PLAC8: variants seen among roughly 807,000 people sequenced by gnomAD.
PLAC8 encodes the protein placenta associated 8.
A neutral mutation model predicts 12.6 loss-of-function variants in PLAC8; 6 were observed. That is an observed-to-expected ratio of 0.48 (90% CI 0.26 to 0.94). PLAC8 has a LOEUF of 0.94. Ranked by LOEUF, PLAC8 falls within the 40% of genes least tolerant of loss-of-function variation. PLAC8 has a pLI of 0.14. For missense variants in PLAC8, 122 were observed against 152.7 expected, an observed-to-expected ratio of 0.80 and a Z score of 1.06; for synonymous variants, 54 against 52.6, an observed-to-expected ratio of 1.03 and a Z score of -0.11.
In PLAC8 at chr4:83,107,960, C is replaced by T; in HGVS notation, c.-29-10G>A. On this transcript the variant is annotated splice_polypyrimidine_tract_variant and intron_variant, in intron 1 of 4. Transcript: ENST00000311507. ...CCTTAAAAGCAGTGGACTGAAAAGG[C>T]AGAGTGGTGTTAGAAATCTCTGTTG... The T allele has an allele frequency of 1.4e-6, 1 of 695,386 alleles. No homozygotes were observed. The highest frequency in any genetic ancestry group is 2.0e-6 in the Non-Finnish European group (1 of 498,032). The allele number at this position is 695,386 out of a possible 1,614,324, so 43.1% of individuals were successfully genotyped here. A position where few individuals can be genotyped will look rare whatever the true frequency, so the allele number is the denominator to read the frequency against.
At chr4:83,093,193 T>TG (rs1731848476) in intron 4 of PLAC8, 1 of 152,342 alleles carries the variant, frequency 6.6e-6, no homozygotes. Context: ...CTGTGTGCCC[T>TG]GGGAAGCGAC....
chr4:83,105,185 C>T (rs144677712), intron 2 of PLAC8, among the ~76,000 whole-genome samples, 165 bp from the exon 3 acceptor site: 16 of 152,336 alleles, frequency 1.1e-4, no homozygotes, highest in Non-Finnish European at 1.8e-4. Context: ...ATCAATTTCT[C>T]GCTCCACCCG....
intron 3 of PLAC8, among the ~76,000 whole-genome samples, chr4:83,096,090 T>G (rs1485696801): frequency 6.6e-6 from 1 of 152,194 alleles, no homozygotes; most frequent in Admixed American, 6.5e-5. Context: ...AAAGGCAATC[T>G]ATTCCCCAGG....
chr4:83,094,278 A>T lies in PLAC8; in HGVS notation c.*9+400T>A, dbSNP rs551686525. 9 of 149,012 alleles carry T rather than the reference A, an allele frequency of 6.0e-5. No homozygotes were observed. The South Asian group carries it at 1.5e-3, about 25-fold the overall frequency. The allele number at this position is 149,012 out of a possible 1,614,324, so 9.2% of individuals were successfully genotyped here. On this transcript the variant is annotated intron_variant, in intron 4 of 4. Coordinates refer to ENST00000311507, the MANE Select transcript of PLAC8 (RefSeq NM_016619.3). ...TTATGCCACAATCAATCCAAATATC[A>T]TACAGAATGTTATTTTCTTTACTCT... is the stretch of plus-strand genomic sequence containing the variant.
intron 4 of PLAC8, among the ~76,000 whole-genome samples, chr4:83,091,704 C>T (rs905856312): frequency 6.6e-6 from 1 of 152,148 alleles, no homozygotes; most frequent in Non-Finnish European, 1.5e-5. Context: ...ATGCCGCTCT[C>T]CTTGAGGAAG....
chr4:83,094,712 C>T lies in PLAC8; in HGVS notation c.323G>A (p.Arg108Lys). 2 of 1,604,624 alleles carry T rather than the reference C, an allele frequency of 1.2e-6. No homozygotes were observed. Among genetic ancestry groups the T allele is most frequent in the Non-Finnish European group, 1.7e-6 (2 of 1,176,978 alleles). ...TTAGAAAGTACGCATGGCTCTCCTTCTGTTGATATCTCTCTTGATTTGGCA... is the reference window on the plus strand; with the variant it reads ...TTAGAAAGTACGCATGGCTCTCCTTTTGTTGATATCTCTCTTGATTTGGCA... ...TLCQIKRDINRRRAMRTF is the reference protein window; with the variant it reads ...TLCQIKRDINKRRAMRTF Residue 108 changes from arginine (R) to lysine (K), a missense_variant, in exon 4 of 5, where the codon AGA becomes AAA. By Grantham distance (26) the Arg-to-Lys change is conservative. Transcript: ENST00000311507.
At chr4:83,111,690 TAATAACAGC>T in intron 1 of PLAC8, among the ~76,000 whole-genome samples, 3 of 152,346 alleles carry the variant, frequency 2.0e-5, no homozygotes, top group Admixed American at 2.0e-4. Context: ...TTTTTTAATA[TAATAACAGC>T]AATCTGAAGA....
At chr4:83,107,297 T>C (rs2126143301) in intron 2 of PLAC8, among the ~76,000 whole-genome samples, 1 of 152,076 alleles carries the variant, frequency 6.6e-6, no homozygotes, top group East Asian at 1.9e-4. Context: ...TTCTTTATTC[T>C]CAGGTGTGTA....
chr4:83,093,348 G>A (rs1731852038), intron 4 of PLAC8: 1 of 152,236 alleles, frequency 6.6e-6, no homozygotes, highest in South Asian at 2.1e-4. Context: ...CCTCTCTTGA[G>A]AGGATACTGT....
chr4:83,112,224 A>T (rs931356150), intron 1 of PLAC8, among the ~76,000 whole-genome samples: 3 of 141,990 alleles, frequency 2.1e-5, no homozygotes, highest in African/African-American at 8.0e-5. Context: ...ATATGTATAT[A>T]TATATATATA....
intron 3 of PLAC8, among the ~76,000 whole-genome samples, chr4:83,103,531 G>A (rs1732161064): frequency 6.6e-6 from 1 of 152,228 alleles, no homozygotes; most frequent in African/African-American, 2.4e-5. Flanking sequence ...CCGTAACAGG[G>A]TTTGAGAGGA....
At chr4:83,102,970 C>T (rs373504160) in intron 3 of PLAC8, among the ~76,000 whole-genome samples, 189 of 151,762 alleles carry the variant, frequency 1.2e-3, no homozygotes, top group African/African-American at 4.5e-3. Context: ...CCTGTAATCC[C>T]AGCTACTCAG....
chr4:83,091,180 C>T (rs532545561), intron 4 of PLAC8, among the ~76,000 whole-genome samples: 1 of 152,294 alleles, frequency 6.6e-6, no homozygotes, highest in East Asian at 1.9e-4. Flanking sequence ...CATACTGATG[C>T]ATTACTACTA....
At chr4:83,112,196 ATATATATGTATATATATATATG>A (rs1303633265) in intron 1 of PLAC8, among the ~76,000 whole-genome samples, 1,683 of 21,432 alleles carry the variant, frequency 0.079, 57 homozygotes, top group African/African-American at 0.16. Flanking sequence ...ATTTATATAT[ATATATATGTATATATATATATG>A]TATATATATA....
chr4:83,091,467 A>G (rs1731805839), intron 4 of PLAC8, among the ~76,000 whole-genome samples: 1 of 152,168 alleles, frequency 6.6e-6, no homozygotes, highest in African/African-American at 2.4e-5. Flanking sequence ...GAAGACCACA[A>G]AGGTAAAGTG....
At chr4:83,097,860 G>GTTTTTT (rs70946968) in intron 3 of PLAC8, among the ~76,000 whole-genome samples, 2 of 131,132 alleles carry the variant, frequency 1.5e-5, no homozygotes, top group African/African-American at 2.8e-5. Flanking sequence ...AGTTTTGAGG[G>GTTTTTT]TTTTTTTTTT....
chr4:83,098,785 A>T (rs568435753), intron 3 of PLAC8, among the ~76,000 whole-genome samples: 21 of 151,838 alleles, frequency 1.4e-4, no homozygotes, highest in African/African-American at 4.8e-4. Context: ...TGAATGACTT[A>T]TGGTGACTTG....
chr4:83,096,247 G>C (rs1731922923), intron 3 of PLAC8, among the ~76,000 whole-genome samples: 1 of 152,174 alleles, frequency 6.6e-6, no homozygotes, highest in African/African-American at 2.4e-5. Context: ...AGTTAAGTTA[G>C]ATCTCTTTCA....
intron 3 of PLAC8, among the ~76,000 whole-genome samples, chr4:83,100,294 A>C (rs1398547329): frequency 6.6e-6 from 1 of 151,564 alleles, no homozygotes; most frequent in Non-Finnish European, 1.5e-5. Context: ...AAAAAAAAAA[A>C]AAATGTGTAG....
Sources: allele counts gnomAD v4.1 joint callset (sites outside exome capture counted in the v4.1 genomes callset), GRCh38; gene constraint gnomAD v4.1.1; transcripts MANE v1.5; gene names NCBI Gene and HGNC (gene_info 2026-07-23, HGNC 2026-07-21).